Variants in ATP5F1B observed in about 807,000 individuals in gnomAD.
ATP5F1B encodes the protein ATP synthase F(1) complex subunit beta, mitochondrial.
A neutral mutation model predicts 45.9 loss-of-function variants in ATP5F1B; 17 were observed. The observed-to-expected ratio is 0.37, with a 90% CI of 0.25 to 0.56. The LOEUF (loss-of-function observed/expected upper bound fraction) is 0.56, where lower values mean the gene tolerates loss of function less well. ATP5F1B is among the 20% of genes least tolerant of loss of function. The pLI is 0.80. For missense variants in ATP5F1B, 387 were observed against 673.2 expected, an observed-to-expected ratio of 0.57 and a Z score of 4.70; for synonymous variants, 218 against 256.5, an observed-to-expected ratio of 0.85 and a Z score of 1.43.
intron 5 of ATP5F1B, 119 bp from the exon 6 acceptor site, chr12:56,642,950 T>C: frequency 8.6e-7 from 1 of 1,160,416 alleles, no homozygotes; most frequent in Non-Finnish European, 1.2e-6. Context: ...AGCGTTTTTG[T>C]GTGCAAGTTT....
In ATP5F1B at chr12:56,640,200, G is replaced by T; in HGVS notation, c.1075-8C>A. 1.9e-6 allele frequency: 3 copies of T among 1,611,692 alleles called. No individual in the cohort carries two copies. The highest frequency in any genetic ancestry group is 2.2e-5 in the South Asian group (2 of 90,850). ...AGCAGGCACATAGATAGCCTAAAGT[G>T]AGATCCCATGAAGAACAGGAACCAA... is the stretch of plus-strand genomic sequence containing the variant. On this transcript the variant is annotated splice_polypyrimidine_tract_variant and splice_region_variant and intron_variant, in intron 7 of 9. Coordinates refer to ENST00000262030, the MANE Select transcript of ATP5F1B (RefSeq NM_001686.4).
rs1355276436 is a variant in ATP5F1B, at chr12:56,639,229, G to A, written c.1366C>T (p.Arg456Cys). ...LSEEDKLTVSRARKIQRFLSQ... is the reference protein window; with the variant it reads ...LSEEDKLTVSCARKIQRFLSQ... Reference sequence around the variant, plus strand: ...AAGAAACGCTGTATTTTCCGTGCACGGGACACGGTCAACTTGTCTTCCTCA... The same window carrying A: ...AAGAAACGCTGTATTTTCCGTGCACAGGACACGGTCAACTTGTCTTCCTCA... Residue 456 changes from arginine (R) to cysteine (C), a missense_variant, in exon 9 of 10, where the codon CGT (arginine) becomes TGT (cysteine). Arg to Cys is a radical substitution (Grantham distance 180). Transcript: ENST00000262030. The A allele has an allele frequency of 2.5e-6, 4 of 1,614,082 alleles. No homozygotes were observed. Among genetic ancestry groups the A allele is most frequent in the Admixed American group, 1.7e-5 (1 of 60,010 alleles).
intron 7 of ATP5F1B, among the ~76,000 whole-genome samples, chr12:56,640,898 A>T (rs1401407091): frequency 1.3e-5 from 2 of 150,992 alleles, no homozygotes; most frequent in Non-Finnish European, 3.0e-5. Context: ...CGGAAACAAA[A>T]ATTAGCCAGG....
chr12:56,638,505 T>C, intron 9 of ATP5F1B, 82 bp from the exon 10 acceptor site: 1 of 1,033,430 alleles, frequency 9.7e-7, no homozygotes, highest in Admixed American at 1.9e-5. Flanking sequence ...TCCTCACCAC[T>C]TCAGGCCATC....
intron 4 of ATP5F1B, 54 bp downstream of exon 4, chr12:56,643,783 T>G (rs750411304): frequency 6.2e-7 from 1 of 1,607,414 alleles, no homozygotes; most frequent in Non-Finnish European, 8.5e-7. Context: ...TAACATTGTA[T>G]GAGTTTTTCC....
At chr12:56,640,527 G>A (rs1565847570) in intron 7 of ATP5F1B, among the ~76,000 whole-genome samples, 2 of 151,632 alleles carry the variant, frequency 1.3e-5, no homozygotes, top group Admixed American at 6.6e-5. Context: ...CACGCCCAGC[G>A]AACCAAAGTA....
At chr12:56,645,462 T>C (rs1415376544) in intron 1 of ATP5F1B, 109 bp from the exon 2 acceptor site, 8 of 1,268,496 alleles carry the variant, frequency 6.3e-6, no homozygotes, top group African/African-American at 1.5e-5. Context: ...GTCAGGCCTC[T>C]TTCCGCTTGT....
rs760168222 is a variant in ATP5F1B at position 56,645,503 on chromosome 12, G to A, written c.128-150C>T. 13 of 1,003,208 alleles carry A rather than the reference G, an allele frequency of 1.3e-5. No individual in the cohort carries two copies. In the Admixed American group the frequency reaches 2.0e-4, roughly 16 times the overall value. 62.1% of individuals were successfully genotyped at this position (1,003,208 alleles called of 1,614,324 possible). On this transcript the variant is annotated intron_variant, in intron 1 of 9. Transcript: ENST00000262030. Reference sequence around the variant, plus strand: ...ACGCGTGTCCAAGAGGGAAGGCCGCGCAGCGATCGATAAAGCGCCTGCACA... The same window carrying A: ...ACGCGTGTCCAAGAGGGAAGGCCGCACAGCGATCGATAAAGCGCCTGCACA...
At position 56,642,941 on chromosome 12, in the gene ATP5F1B, G is replaced by C. The variant is rs1411656197; in HGVS notation, c.793-110C>G. The C allele has an allele frequency of 4.0e-6, 5 of 1,237,356 alleles. No homozygotes were observed. The East Asian group carries it at 7.3e-5, about 18-fold the overall frequency. 76.6% of individuals were successfully genotyped at this position (1,237,356 alleles called of 1,614,324 possible). A position where few individuals can be genotyped will look rare whatever the true frequency, so the allele number is the denominator to read the frequency against. On this transcript the variant is annotated intron_variant, in intron 5 of 9. Coordinates refer to ENST00000262030, the MANE Select transcript of ATP5F1B (RefSeq NM_001686.4). ...ACAGATCCTTTCTCAGAAGGTGTCA[G>C]CGTTTTTGTGTGCAAGTTTCTTTTC...
At position 56,642,476 on chromosome 12, in the gene ATP5F1B, T is replaced by C; in HGVS notation, c.1056A>G (p.Gly352=). ...TTCTTACCTGTACAGAGGTGATAGA[T>C]CCCTTCTTGGTAGTGGTAATTCTTT... is the stretch of plus-strand genomic sequence containing the variant. ...MQERITTTKK[G]SITSVQAIYV... is the part of the protein sequence containing the mutation. The change falls in exon 7 of 10, where the codon GGA becomes GGG. Residue 352 remains glycine, a synonymous_variant. Transcript: ENST00000262030. 6.2e-7 allele frequency: 1 copy of C among 1,614,000 alleles called. No individual in the cohort carries two copies. Among genetic ancestry groups the C allele is most frequent in the Non-Finnish European group, 8.5e-7 (1 of 1,180,040 alleles).
At position 56,644,818 on chromosome 12, in the gene ATP5F1B, C is replaced by T; in HGVS notation, c.448G>A (p.Glu150Lys). 1.2e-6 allele frequency: 2 copies of T among 1,614,096 alleles called. No individual in the cohort carries two copies. The highest frequency in any genetic ancestry group is 4.5e-5 in the East Asian group (2 of 44,888). Residue 150 changes from glutamate to lysine, a missense_variant, in exon 3 of 10, where the codon GAA (glutamate) becomes AAA (lysine). By Grantham distance (56) the Glu-to-Lys change is moderately conservative. Coordinates refer to ENST00000262030, the MANE Select transcript of ATP5F1B (RefSeq NM_001686.4). ...ATGGGACCTCTTTCATCAATAGGTT[C>T]TCCAATGACATTCATGATTCTGCCC... ...TLGRIMNVIG[E>K]PIDERGPIKT...
At chr12:56,642,416 C>G in intron 7 of ATP5F1B, 42 bp downstream of exon 7, 1 of 1,610,928 alleles carries the variant, frequency 6.2e-7, no homozygotes, top group Non-Finnish European at 8.5e-7. Context: ...CTGCACCCTG[C>G]CTTTATACAA....
At position 56,645,490 on chromosome 12, in the gene ATP5F1B, GAGGGA is replaced by G. The variant is rs1390800304; in HGVS notation, c.128-142_128-138del. The G allele has an allele frequency of 5.1e-5, 54 of 1,057,522 alleles. No individual in the cohort carries two copies. The African/African-American group carries it at 7.4e-4, about 14-fold the overall frequency. 65.5% of individuals were successfully genotyped at this position (1,057,522 alleles called of 1,614,324 possible). On this transcript the variant is annotated intron_variant, in intron 1 of 9. Coordinates refer to ENST00000262030, the MANE Select transcript of ATP5F1B (RefSeq NM_001686.4). ...CCGCTTGTACGGAACGCGTGTCCAAGAGGGAAGGCCGCGCAGCGATCGATAAAGCG... is the reference window on the plus strand; with the variant it reads ...CCGCTTGTACGGAACGCGTGTCCAAGAGGCCGCGCAGCGATCGATAAAGCG...
At chr12:56,643,727 G>A (rs1592645442) in intron 4 of ATP5F1B, 110 bp downstream of exon 4, 1 of 1,577,868 alleles carries the variant, frequency 6.3e-7, no homozygotes. Flanking sequence ...AAGAACGAAA[G>A]TCAGAACGTA....
At chr12:56,639,628 A>G (rs1951497381) in intron 8 of ATP5F1B, among the ~76,000 whole-genome samples, 2 of 152,002 alleles carry the variant, frequency 1.3e-5, no homozygotes, top group African/African-American at 4.8e-5. Flanking sequence ...AAAAGTAGCC[A>G]GGCATGGTGG....
intron 8 of ATP5F1B, 54 bp from the exon 9 acceptor site, chr12:56,639,361 A>G: frequency 1.9e-6 from 3 of 1,553,224 alleles, no homozygotes; most frequent in Non-Finnish European, 2.6e-6. Context: ...AATTTGGACA[A>G]GCTAACAAAG....
intron 3 of ATP5F1B, among the ~76,000 whole-genome samples, chr12:56,644,248 A>G (rs932510899): frequency 3.3e-5 from 5 of 152,154 alleles, no homozygotes; most frequent in African/African-American, 9.7e-5. Context: ...TCACATAGCA[A>G]TAGCAAATAC....
Position 56,645,346 on chromosome 12 carries a change from G to A in ATP5F1B, c.135C>T (p.Asp45=), listed in dbSNP as rs1354936022. 1.2e-6 allele frequency: 2 copies of A among 1,613,202 alleles called. No individual in the cohort carries two copies. Among genetic ancestry groups the A allele is most frequent in the Non-Finnish European group, 1.7e-6 (2 of 1,179,486 alleles). The part of the protein sequence containing the change: ...AAPTAVHPVR[D]YAAQTSPSPK... ...GCGAAGGAGATGTTTGCGCCGCATAGTCCCTGACTAACAGACAAAAGATAT... is the reference window on the plus strand; with the variant it reads ...GCGAAGGAGATGTTTGCGCCGCATAATCCCTGACTAACAGACAAAAGATAT... Residue 45 remains aspartate, a synonymous_variant, in exon 2 of 10, where the codon GAC becomes GAT. Coordinates refer to ENST00000262030, the MANE Select transcript of ATP5F1B (RefSeq NM_001686.4).
intron 7 of ATP5F1B, 33 bp from the exon 8 acceptor site, chr12:56,640,225 A>C: frequency 6.3e-7 from 1 of 1,584,890 alleles, no homozygotes; most frequent in South Asian, 1.1e-5. Flanking sequence ...ACAGGAACCA[A>C]AGTAAATTTT....
Sources: allele counts gnomAD v4.1 joint callset (sites outside exome capture counted in the v4.1 genomes callset), GRCh38; gene constraint gnomAD v4.1.1; transcripts MANE v1.5; gene names NCBI Gene and HGNC (gene_info 2026-07-23, HGNC 2026-07-21).